Variants in ADAMTSL1 observed in about 807,000 individuals in gnomAD.
The protein encoded by ADAMTSL1 is ADAMTS-like protein 1.
A neutral mutation model predicts 201.8 loss-of-function variants in ADAMTSL1; 126 were observed. That is an observed-to-expected ratio of 0.62 (90% CI 0.54 to 0.72). The LOEUF is 0.72. ADAMTSL1 is among the 30% of genes least tolerant of loss of function. The pLI, the probability that ADAMTSL1 is intolerant of heterozygous loss-of-function variation, is 0.00. For synonymous variants in ADAMTSL1, 1,121 were observed against 903.4 expected, an observed-to-expected ratio of 1.24 and a Z score of -4.32; for missense variants, 2,679 against 2,277.8, an observed-to-expected ratio of 1.18 and a Z score of -3.59.
chr9:18,033,379 A>G lies in ADAMTSL1; in HGVS notation c.87+126457A>G, dbSNP rs75862482. On this transcript the variant is annotated intron_variant, in intron 1 of 29. Coordinates refer to the ADAMTSL1 transcript ENST00000680146. ...ACCATAAATACATATAATCTGTGTC[A>G]ATTAAGAAATAAAACGTTAAAGAAA... Among the ~76,000 whole-genome samples the G allele has an allele frequency of 2.1e-3, 321 of 152,318 alleles. 3 individuals carry two copies. The highest frequency in any genetic ancestry group is 7.3e-3 in the African/African-American group (303 of 41,564).
chr9:18,289,156 TCTATCTATCTATCTATCTACCTAC>T lies in ADAMTSL1; in HGVS notation c.207+125188_207+125211del, dbSNP rs1384591816. On this transcript the variant is annotated intron_variant, in intron 2 of 29. Coordinates refer to the ADAMTSL1 transcript ENST00000680146. ...GTCTGTCTATCTATCTATCTATCTATCTATCTATCTATCTATCTACCTACCTATCTATCTATAGAGAGATATGGA... is the reference window on the plus strand; with the variant it reads ...GTCTGTCTATCTATCTATCTATCTATCTATCTATCTATAGAGAGATATGGA... 1.1e-4 allele frequency among the ~76,000 whole-genome samples: 13 copies of T among 117,650 alleles called. 1 individual carries two copies. In the Middle Eastern group the frequency reaches 0.015, roughly 132 times the overall value. The allele number at this position is 117,650 out of a possible 152,430, so 77.2% of individuals were successfully genotyped here.
chr9:18,359,010 A>T lies in ADAMTSL1; in HGVS notation c.208-145819A>T, dbSNP rs556179210. On this transcript the variant is annotated intron_variant, in intron 2 of 29. Coordinates refer to the ADAMTSL1 transcript ENST00000680146. ...GTCTTAAATTTCAGTGACTTCAAAC[A>T]GTTTGAACACTCTTCTCTTTTTAGA... Among the ~76,000 whole-genome samples the T allele has an allele frequency of 4.5e-4, 68 of 152,286 alleles. No individual in the cohort carries two copies. In the South Asian group the frequency reaches 0.013, roughly 28 times the overall value.
At chr9:18,511,952 G>A (rs1359807079) in intron 2 of ADAMTSL1, among the ~76,000 whole-genome samples, 2 of 152,106 alleles carry the variant, frequency 1.3e-5, no homozygotes, top group Non-Finnish European at 2.9e-5. Context: ...GAGCCCCAAA[G>A]CAGGCTTTAT....
intron 4 of ADAMTSL1, among the ~76,000 whole-genome samples, chr9:18,612,584 C>A (rs113652545): frequency 0.1 from 15,268 of 152,150 alleles, 945 homozygotes; most frequent in Non-Finnish European, 0.14. Context: ...TGCACACCTA[C>A]AACTGTCTGG....
intron 2 of ADAMTSL1, among the ~76,000 whole-genome samples, chr9:18,326,210 G>A (rs1053677530): frequency 6.6e-6 from 1 of 152,150 alleles, no homozygotes; most frequent in Non-Finnish European, 1.5e-5. Context: ...TAGCAGCTGT[G>A]ATGTACTATA....
chr9:18,059,951 T>TTGTACTTGATTAGA (rs778681833), intron 1 of ADAMTSL1, among the ~76,000 whole-genome samples: 39 of 152,298 alleles, frequency 2.6e-4, no homozygotes, highest in Non-Finnish European at 5.1e-4. Context: ...TCAATTTTAT[T>TTGTACTTGATTAGA]TGTACTTGAT....
chr9:18,450,315 T>G (rs1820354861), intron 2 of ADAMTSL1, among the ~76,000 whole-genome samples: 1 of 152,114 alleles, frequency 6.6e-6, no homozygotes, highest in South Asian at 2.1e-4. Flanking sequence ...CTCATAAAAT[T>G]GAATGCCCAA....
At chr9:18,032,734 T>C (rs10963402) in intron 1 of ADAMTSL1, among the ~76,000 whole-genome samples, 86,835 of 152,038 alleles carry the variant, frequency 0.57, 24,900 homozygotes, top group Non-Finnish European at 0.59. Flanking sequence ...GCAGATCCCC[T>C]TGCCAATGCA....
Position 18,770,642 on chromosome 9 carries a change from T to A in ADAMTSL1, c.2258T>A (p.Val753Asp). Residue 753 changes from valine to aspartate, a missense_variant, in exon 17 of 29, where the codon GTT (valine) becomes GAT (aspartate). By Grantham distance (152) the Val-to-Asp change is radical (BLOSUM62 -3). Coordinates refer to ENST00000380548, the MANE Select transcript of ADAMTSL1 (RefSeq NM_001040272.6). ...GGCGGGGGTGTTCAGAAACGTGAGG[T>A]TCTTTGCAAGCAGCGCATGGCTGAT... ...TCGGGVQKRE[V>D]LCKQRMADGS... 6.2e-7 allele frequency: 1 copy of A among 1,613,178 alleles called. No homozygotes were observed. The highest frequency in any genetic ancestry group is 2.2e-5 in the East Asian group (1 of 44,874).
chr9:18,218,509 A>T (rs113280186), intron 2 of ADAMTSL1, among the ~76,000 whole-genome samples: 2 of 152,128 alleles, frequency 1.3e-5, no homozygotes, highest in African/African-American at 2.4e-5. Flanking sequence ...AAACTGATAA[A>T]GTCTTTCTTT....
At chr9:18,838,652 C>A (rs1372077366) in intron 23 of ADAMTSL1, among the ~76,000 whole-genome samples, 1 of 151,868 alleles carries the variant, frequency 6.6e-6, no homozygotes, top group Non-Finnish European at 1.5e-5. Context: ...CACAGCAAGA[C>A]CTTATCACTA....
At chr9:18,432,965 T>C (rs927946263) in intron 2 of ADAMTSL1, among the ~76,000 whole-genome samples, 2 of 152,148 alleles carry the variant, frequency 1.3e-5, no homozygotes, top group Non-Finnish European at 2.9e-5. Context: ...TAATTTGCAT[T>C]TACTCAAAAT....
chr9:18,876,326 G>GTT (rs1828150304), intron 23 of ADAMTSL1, among the ~76,000 whole-genome samples: 1 of 151,270 alleles, frequency 6.6e-6, no homozygotes, highest in Non-Finnish European at 1.5e-5. Context: ...GTGTGTGTGT[G>GTT]TGTGCGTGAT....
intron 4 of ADAMTSL1, among the ~76,000 whole-genome samples, chr9:18,592,167 C>G (rs1046531106): frequency 2.0e-5 from 3 of 152,092 alleles, no homozygotes; most frequent in African/African-American, 7.2e-5. Flanking sequence ...AAACACCAGA[C>G]AGTGAGCATG....
chr9:18,241,198 A>T (rs1831047274), intron 2 of ADAMTSL1, among the ~76,000 whole-genome samples: 1 of 152,152 alleles, frequency 6.6e-6, no homozygotes, highest in Non-Finnish European at 1.5e-5. Context: ...TTCCTCACTA[A>T]GGTACATTTC....
intron 1 of ADAMTSL1, among the ~76,000 whole-genome samples, chr9:18,097,389 C>G (rs1824298817): frequency 6.6e-6 from 1 of 152,182 alleles, no homozygotes; most frequent in African/African-American, 2.4e-5. Context: ...CAGTGTACAA[C>G]ATTCTGGCTG....
intron 14 of ADAMTSL1, chr9:18,717,939 A>T: frequency 1.5e-6 from 2 of 1,343,534 alleles, no homozygotes; most frequent in Non-Finnish European, 2.1e-6. Context: ...ACAGTTCTTC[A>T]GAGCTGACTC....
At position 17,925,941 on chromosome 9, in the gene ADAMTSL1, C is replaced by T. The variant is rs183099805; in HGVS notation, c.87+19019C>T. ...ATACGTGCTGCTCAATACCTTCTCT[C>T]CCCAAGCGCAATGTAGCAATTGTTG... On this transcript the variant is annotated intron_variant, in intron 1 of 29. Transcript: ENST00000680146. Among the ~76,000 whole-genome samples the T allele has an allele frequency of 2.2e-4, 33 of 152,104 alleles. No individual in the cohort carries two copies. In the East Asian group the frequency reaches 6.2e-3, roughly 29 times the overall value.
intron 5 of ADAMTSL1, among the ~76,000 whole-genome samples, chr9:18,633,709 C>G (rs765554082): frequency 2.1e-5 from 3 of 143,084 alleles, no homozygotes; most frequent in Non-Finnish European, 4.5e-5. Flanking sequence ...TTCTTATATA[C>G]CACAAATTCT....
Sources: allele counts gnomAD v4.1 joint callset (sites outside exome capture counted in the v4.1 genomes callset), GRCh38; gene constraint gnomAD v4.1.1; transcripts MANE v1.5; gene names NCBI Gene and HGNC (gene_info 2026-07-23, HGNC 2026-07-21).